Variants in GRIK3 observed in about 807,000 individuals in gnomAD.
GRIK3 encodes the protein glutamate ionotropic receptor kainate type subunit 3.
In GRIK3, 29 loss-of-function variants were observed where a neutral mutation model predicts 102.5. That is an observed-to-expected ratio of 0.28 (90% CI 0.21 to 0.39). The LOEUF (loss-of-function observed/expected upper bound fraction) is 0.39. Ranked by LOEUF, GRIK3 falls within the 10% of genes least tolerant of loss-of-function variation. The probability of loss-of-function intolerance (pLI) is 1.00; values close to 1 mark genes in which losing one functional copy is unlikely to be tolerated. For missense variants in GRIK3, 908 were observed against 1,252.4 expected (o/e 0.73, Z 4.15); for synonymous variants, 511 against 504.9 (o/e 1.01, Z -0.16).
At chr1:36,855,432 A>G (rs1469317575) in intron 7 of GRIK3, among the ~76,000 whole-genome samples, 1 of 152,218 alleles carries the variant, frequency 6.6e-6, no homozygotes, top group Non-Finnish European at 1.5e-5. Context: ...ATCTCCAAGC[A>G]CATGGGCAGC....
chr1:36,992,157 G>A (rs1216989183), intron 1 of GRIK3, among the ~76,000 whole-genome samples: 2 of 152,214 alleles, frequency 1.3e-5, no homozygotes, highest in African/African-American at 2.4e-5. Flanking sequence ...AGATGAACAC[G>A]ATGCCATCTT....
chr1:36,848,040 G>A (rs1290229329), intron 9 of GRIK3, among the ~76,000 whole-genome samples: 2 of 152,228 alleles, frequency 1.3e-5, no homozygotes, highest in African/African-American at 2.4e-5. Context: ...GGGGATCTTT[G>A]CAAGAAGCTG....
chr1:36,922,140 C>T (rs917323125), intron 1 of GRIK3, among the ~76,000 whole-genome samples: 24 of 152,336 alleles, frequency 1.6e-4, no homozygotes, highest in African/African-American at 5.5e-4. Flanking sequence ...AGTGGCTTTG[C>T]ACCAGTGACC....
intron 1 of GRIK3, among the ~76,000 whole-genome samples, chr1:36,966,809 T>C (rs1171547094): frequency 6.6e-6 from 1 of 152,088 alleles, no homozygotes; most frequent in Admixed American, 6.6e-5. Flanking sequence ...TGGATTCTGA[T>C]CTTCAGGCTT....
At chr1:36,929,005 C>T (rs950312169) in intron 1 of GRIK3, among the ~76,000 whole-genome samples, 5 of 152,142 alleles carry the variant, frequency 3.3e-5, no homozygotes, top group Admixed American at 1.3e-4. Context: ...ACTTGAATCC[C>T]TTGACCTTGT....
chr1:36,813,044 C>T (rs1247658712), intron 13 of GRIK3, among the ~76,000 whole-genome samples: 1 of 152,204 alleles, frequency 6.6e-6, no homozygotes, highest in South Asian at 2.1e-4. Flanking sequence ...TGTGGCTTCA[C>T]TTTTCCCCAA....
chr1:36,961,293 C>T (rs925967179), intron 1 of GRIK3, among the ~76,000 whole-genome samples: 10 of 152,336 alleles, frequency 6.6e-5, no homozygotes, highest in Admixed American at 2.0e-4. Flanking sequence ...AAGGGGCATA[C>T]GGAGGCAAGC....
chr1:37,027,980 G>A (rs1384459597), intron 1 of GRIK3, among the ~76,000 whole-genome samples: 2 of 152,162 alleles, frequency 1.3e-5, no homozygotes, highest in Admixed American at 1.3e-4. Context: ...AGCAACACAT[G>A]TTCCAGGACC....
chr1:36,975,444 G>A (rs1642186214), intron 1 of GRIK3, among the ~76,000 whole-genome samples: 1 of 152,072 alleles, frequency 6.6e-6, no homozygotes, highest in Admixed American at 6.5e-5. Flanking sequence ...ATGGGTGCAT[G>A]CCACCATGCC....
chr1:36,957,504 A>AGCCTGTGTGTCCCG (rs1641931809), intron 1 of GRIK3, among the ~76,000 whole-genome samples: 1 of 88,940 alleles, frequency 1.1e-5, no homozygotes, highest in Admixed American at 1.1e-4. Context: ...TGTGTGCCCC[A>AGCCTGTGTGTCCCG]TGACTCTGTG....
At chr1:37,012,468 T>C (rs1403285285) in intron 1 of GRIK3, among the ~76,000 whole-genome samples, 1 of 152,226 alleles carries the variant, frequency 6.6e-6, no homozygotes, top group Non-Finnish European at 1.5e-5. Context: ...AGACGTTTCC[T>C]GTGCAAGGTC....
At chr1:37,021,091 A>AGT (rs140990633) in intron 1 of GRIK3, among the ~76,000 whole-genome samples, 38,606 of 143,724 alleles carry the variant, frequency 0.27, 5,228 homozygotes, top group East Asian at 0.5. Context: ...CAAATTTGCA[A>AGT]GTGTGTGTGT....
intron 11 of GRIK3, 129 bp downstream of exon 11, chr1:36,825,474 G>A: frequency 1.8e-6 from 1 of 555,966 alleles, no homozygotes; most frequent in Non-Finnish European, 3.2e-6. Context: ...CATAGGGAGT[G>A]GAAGAGGAGT....
intron 13 of GRIK3, among the ~76,000 whole-genome samples, chr1:36,812,841 C>G (rs191804688): frequency 1.3e-5 from 2 of 152,232 alleles, no homozygotes; most frequent in African/African-American, 4.8e-5. Flanking sequence ...ATCTGTCCTG[C>G]ACTCTGGACC....
intron 13 of GRIK3, among the ~76,000 whole-genome samples, chr1:36,813,802 T>G (rs536794990): frequency 6.6e-6 from 1 of 152,098 alleles, no homozygotes; most frequent in East Asian, 1.9e-4. Context: ...GGGGGGGCAG[T>G]TAATGTATCT....
intron 1 of GRIK3, among the ~76,000 whole-genome samples, chr1:36,892,373 T>C (rs1042522334): frequency 2.0e-5 from 3 of 152,272 alleles, no homozygotes; most frequent in Middle Eastern, 3.4e-3. Context: ...CAGTAGCTTA[T>C]GCCTGTAATC....
intron 11 of GRIK3, among the ~76,000 whole-genome samples, 169 bp from the exon 12 acceptor site, chr1:36,820,023 C>T (rs963428547): frequency 2.0e-5 from 3 of 152,150 alleles, no homozygotes; most frequent in Non-Finnish European, 4.4e-5. Flanking sequence ...ATTGTTAGTG[C>T]CCTTTTCTGG....
At position 36,850,393 on chromosome 1, in the gene GRIK3, T is replaced by C; in HGVS notation, c.1244A>G (p.Asn415Ser). ...VGVWSPADGL[N>S]ITEVAKGRGP... is the part of the protein sequence containing the mutation. ...TCGGCCTTTGGCAACCTCAGTGATG[T>C]TGAGCCCGTCGGCAGGACTCCACAC... The change falls in exon 9 of 16, where the codon AAC becomes AGC. Residue 415 changes from asparagine to serine, a missense_variant. Physicochemically the swap from Asn to Ser is conservative, Grantham distance 46 (BLOSUM62 1). Coordinates refer to ENST00000373091, the MANE Select transcript of GRIK3 (RefSeq NM_000831.4). The surrounding 1 kb of genome is among the most constrained non-coding windows in gnomAD (Gnocchi z 4.0). 1 of 1,613,580 alleles carries C rather than the reference T, an allele frequency of 6.2e-7. No homozygotes were observed. Among genetic ancestry groups the C allele is most frequent in the Non-Finnish European group, 8.5e-7 (1 of 1,179,564 alleles).
intron 1 of GRIK3, among the ~76,000 whole-genome samples, chr1:36,965,410 C>T (rs186361788): frequency 2.4e-4 from 37 of 152,234 alleles, no homozygotes; most frequent in Admixed American, 1.2e-3. Flanking sequence ...CACTCGCCAG[C>T]GAACAGTGAG....
Sources: allele counts gnomAD v4.1 joint callset (sites outside exome capture counted in the v4.1 genomes callset), GRCh38; gene constraint gnomAD v4.1.1; non-coding constraint Gnocchi (gnomAD v3.1); transcripts MANE v1.5; gene names NCBI Gene and HGNC (gene_info 2026-07-23, HGNC 2026-07-21).